Variants in ASXL2 observed in about 807,000 individuals in gnomAD.
ASXL2 encodes the protein ASXL transcriptional regulator 2.
ASXL2 carries 23 observed loss-of-function variants against 122.0 expected under a neutral mutation model. The ratio of observed to expected loss-of-function variants is 0.19; its 90% CI spans 0.14 to 0.27. ASXL2 has a LOEUF of 0.27. Ranked by LOEUF, ASXL2 falls within the 10% of genes least tolerant of loss-of-function variation. The pLI is 1.00. For missense variants in ASXL2, 1,518 were observed against 1,713.8 expected (o/e 0.89, Z 2.02); for synonymous variants, 650 against 637.0 (o/e 1.02, Z -0.31).
At chr2:25,793,547 G>GT (rs1246538086) in intron 5 of ASXL2, among the ~76,000 whole-genome samples, 6 of 151,478 alleles carry the variant, frequency 4.0e-5, no homozygotes, top group Non-Finnish European at 8.8e-5. Flanking sequence ...CCCCTATGAA[G>GT]TATTAGGGAG....
chr2:25,743,752 C>G lies in ASXL2; in HGVS notation c.2585G>C (p.Ser862Thr). The part of the protein sequence containing the change: ...DGTVELKAGP[S>T]KNIPNPSASS... ...GGCTGAAGGGTTAGGTATATTCTTA[C>G]TAGGACCTGCTTTGAGCTCAACTGT... is the stretch of plus-strand genomic sequence containing the variant. The change falls in exon 13 of 13, where the codon AGT (serine) becomes ACT (threonine). Residue 862 changes from serine to threonine, a missense_variant. Ser to Thr is a moderately conservative substitution (Grantham distance 58). Transcript: ENST00000435504. 6.2e-7 allele frequency: 1 copy of G among 1,614,014 alleles called. No homozygotes were observed. The highest frequency in any genetic ancestry group is 1.1e-5 in the South Asian group (1 of 91,082).
rs762477855 is a variant in ASXL2, at chr2:25,742,160, T to C, written c.4177A>G (p.Ile1393Val). The change falls in exon 13 of 13, where the codon ATA becomes GTA. Residue 1393 changes from isoleucine (I) to valine (V), a missense_variant. Physicochemically the swap from Ile to Val is conservative, Grantham distance 29. Transcript: ENST00000435504. ...PVQAFSEENSIEGTPSKCYCR... is the reference protein window; with the variant it reads ...PVQAFSEENSVEGTPSKCYCR... ...TAACATTTCGAAGGCGTGCCCTCTA[T>C]GCTGTTCTCTTCGGAGAACGCCTGA... 8 of 1,614,054 alleles carry C rather than the reference T, an allele frequency of 5.0e-6. No homozygotes were observed. Among genetic ancestry groups the C allele is most frequent in the Non-Finnish European group, 5.9e-6 (7 of 1,179,902 alleles).
intron 1 of ASXL2, among the ~76,000 whole-genome samples, chr2:25,852,554 T>C (rs1024675474): frequency 6.6e-6 from 1 of 152,198 alleles, no homozygotes; most frequent in South Asian, 2.1e-4. Flanking sequence ...AAAAGGCTCA[T>C]TTACTGCCCA....
chr2:25,841,852 CAGG>C (rs2089584253), intron 2 of ASXL2, among the ~76,000 whole-genome samples: 1 of 151,320 alleles, frequency 6.6e-6, no homozygotes, highest in African/African-American at 2.4e-5. Flanking sequence ...GAGGCTGAGG[CAGG>C]AGAATGGCAT....
intron 4 of ASXL2, among the ~76,000 whole-genome samples, chr2:25,805,140 C>T (rs1040591491): frequency 6.6e-6 from 1 of 152,136 alleles, no homozygotes; most frequent in African/African-American, 2.4e-5. Context: ...GGTTCCTATA[C>T]CGGTTCTGAT....
At chr2:25,873,716 C>CCT (rs2089984303) in intron 1 of ASXL2, among the ~76,000 whole-genome samples, 1 of 150,718 alleles carries the variant, frequency 6.6e-6, no homozygotes, top group African/African-American at 2.4e-5. Flanking sequence ...AGGTTATGTT[C>CCT]CTCATCTCTA....
Position 25,738,558 on chromosome 2 carries a change from G to A in ASXL2, c.*3471C>T, listed in dbSNP as rs1467283110. ...AACACTCTGGCACTGCTCACTGATAGTGAGTTCTAGAAATAAATAGCAGTG... is the reference window on the plus strand; with the variant it reads ...AACACTCTGGCACTGCTCACTGATAATGAGTTCTAGAAATAAATAGCAGTG... On this transcript the variant is annotated 3_prime_UTR_variant, in exon 13 of 13. Transcript: ENST00000435504. The A allele has an allele frequency of 6.6e-6, 1 of 152,170 alleles. No individual in the cohort carries two copies. Among genetic ancestry groups the A allele is most frequent in the African/African-American group, 2.4e-5 (1 of 41,440 alleles). 9.4% of individuals were successfully genotyped at this position (152,170 alleles called of 1,614,324 possible). A position where few individuals can be genotyped will look rare whatever the true frequency, so the allele number is the denominator to read the frequency against.
At chr2:25,871,886 G>A (rs888107931) in intron 1 of ASXL2, among the ~76,000 whole-genome samples, 4 of 152,200 alleles carry the variant, frequency 2.6e-5, no homozygotes, top group Non-Finnish European at 5.9e-5. Context: ...GTAATTTGAC[G>A]AATGTAAATA....
At chr2:25,832,649 G>A (rs2089466873) in intron 3 of ASXL2, among the ~76,000 whole-genome samples, 2 of 151,932 alleles carry the variant, frequency 1.3e-5, no homozygotes. Context: ...AATTAAACAT[G>A]CACTTACCAC....
At position 25,745,281 on chromosome 2, in the gene ASXL2, C is replaced by T. The variant is rs971691165; in HGVS notation, c.1861-805G>A. 3.4e-5 allele frequency among the ~76,000 whole-genome samples: 5 copies of T among 148,400 alleles called. No homozygotes were observed. In the South Asian group the frequency reaches 1.1e-3, roughly 32 times the overall value. ...AGGCTGGAGTGTAGTGGTGTGATCT[C>T]GGCTCACTGCAACCTCAGTCTCCTG... is the stretch of plus-strand genomic sequence containing the variant. On this transcript the variant is annotated intron_variant, in intron 12 of 12. Transcript: ENST00000435504.
chr2:25,761,672 CAAAAAAAAAAA>C (rs1184631489), intron 8 of ASXL2, among the ~76,000 whole-genome samples: 1 of 56,878 alleles, frequency 1.8e-5, no homozygotes, highest in Non-Finnish European at 3.7e-5. Flanking sequence ...GACTCCGTCT[CAAAAAAAAAAA>C]AAAAAAAAAG....
At chr2:25,828,973 T>C (rs973136769) in intron 3 of ASXL2, among the ~76,000 whole-genome samples, 1 of 152,164 alleles carries the variant, frequency 6.6e-6, no homozygotes, top group Admixed American at 6.5e-5. Context: ...TGTGTTTATC[T>C]ATGAGATAAT....
chr2:25,842,760 G>A (rs1251231373), intron 2 of ASXL2, among the ~76,000 whole-genome samples: 2 of 138,170 alleles, frequency 1.4e-5, no homozygotes, highest in African/African-American at 2.7e-5. Context: ...ATGTGTGTGC[G>A]TGTGTGCACG....
intron 3 of ASXL2, among the ~76,000 whole-genome samples, chr2:25,821,652 C>CTCCCAGGG (rs2089312892): frequency 2.0e-5 from 3 of 152,294 alleles, no homozygotes; most frequent in Non-Finnish European, 4.4e-5. Context: ...CGTATATATT[C>CTCCCAGGG]TCCCAGGGTC....
intron 7 of ASXL2, 123 bp from the exon 8 acceptor site, chr2:25,767,849 G>T: frequency 9.1e-7 from 1 of 1,098,552 alleles, no homozygotes; most frequent in Non-Finnish European, 1.3e-6. Flanking sequence ...TCCCTAATGT[G>T]TTTTGAGTTT....
chr2:25,744,586 G>C lies in ASXL2; in HGVS notation c.1861-110C>G. On this transcript the variant is annotated intron_variant, in intron 12 of 12. Coordinates refer to ENST00000435504, the MANE Select transcript of ASXL2 (RefSeq NM_018263.6). The surrounding 1 kb of genome is among the most constrained non-coding windows in gnomAD (Gnocchi z 4.7). ...AAAACAGATGAACACTACAGTACCT[G>C]TGACAAACATGGGTGGTCTATGGCC... The C allele has an allele frequency of 8.1e-7, 1 of 1,239,474 alleles. No homozygotes were observed. Among genetic ancestry groups the C allele is most frequent in the African/African-American group, 1.5e-5 (1 of 66,148 alleles). The allele number at this position is 1,239,474 out of a possible 1,614,324, so 76.8% of individuals were successfully genotyped here.
chr2:25,823,468 A>G (rs1373024413), intron 3 of ASXL2, among the ~76,000 whole-genome samples: 2 of 152,240 alleles, frequency 1.3e-5, no homozygotes, highest in Non-Finnish European at 2.9e-5. Flanking sequence ...ACTTCACATT[A>G]TTCTATATAA....
chr2:25,753,423 A>T, intron 11 of ASXL2, 111 bp downstream of exon 11: 3 of 732,172 alleles, frequency 4.1e-6, no homozygotes, highest in Non-Finnish European at 6.3e-6. Context: ...AAATAAAACA[A>T]AACAGAAGGA....
intron 9 of ASXL2, among the ~76,000 whole-genome samples, chr2:25,757,437 A>C (rs1229309414): frequency 2.7e-5 from 4 of 150,376 alleles, no homozygotes; most frequent in Non-Finnish European, 5.9e-5. Context: ...AGGAGATCGA[A>C]AGCACCCTGG....
Sources: allele counts gnomAD v4.1 joint callset (sites outside exome capture counted in the v4.1 genomes callset), GRCh38; gene constraint gnomAD v4.1.1; non-coding constraint Gnocchi (gnomAD v3.1); transcripts MANE v1.5; gene names NCBI Gene and HGNC (gene_info 2026-07-23, HGNC 2026-07-21).